GPC5: variants seen among roughly 807,000 people sequenced by gnomAD.
GPC5 encodes the protein glypican 5, also known as glypican-5.
A neutral mutation model predicts 53.9 loss-of-function variants in GPC5; 47 were observed. That is an observed-to-expected ratio of 0.87 (90% CI 0.69 to 1.11). The LOEUF is 1.11. Ranked by LOEUF, GPC5 falls within the 50% of genes most tolerant of loss-of-function variation. The pLI is 0.00. For synonymous variants in GPC5, 286 were observed against 263.3 expected, an observed-to-expected ratio of 1.09 and a Z score of -0.84; for missense variants, 748 against 713.1, an observed-to-expected ratio of 1.05 and a Z score of -0.56.
At chr13:92,481,575 T>A (rs1470125902) in intron 7 of GPC5, among the ~76,000 whole-genome samples, 1 of 152,152 alleles carries the variant, frequency 6.6e-6, no homozygotes, top group East Asian at 1.9e-4. Flanking sequence ...TTTGCTTACA[T>A]CTCCCGTTCC....
chr13:91,655,043 TA>T (rs1359977345), intron 2 of GPC5, among the ~76,000 whole-genome samples: 1 of 152,168 alleles, frequency 6.6e-6, no homozygotes, highest in Admixed American at 6.6e-5. Flanking sequence ...AATAAATATT[TA>T]TTGAGAGACC....
At chr13:91,503,513 C>G (rs672485) in intron 2 of GPC5, among the ~76,000 whole-genome samples, 150,091 of 151,946 alleles carry the variant, frequency 0.99, 74,163 homozygotes, top group East Asian at 1. Flanking sequence ...CGGGTGCAGT[C>G]GCTCATGCCT....
intron 2 of GPC5, among the ~76,000 whole-genome samples, chr13:91,591,826 A>G (rs2139168846): frequency 6.6e-6 from 1 of 152,312 alleles, no homozygotes; most frequent in South Asian, 2.1e-4. Context: ...TTCGTCTTAC[A>G]GCTCTTGGAT....
intron 3 of GPC5, among the ~76,000 whole-genome samples, chr13:91,695,841 C>A (rs774772868): frequency 3.3e-5 from 5 of 152,044 alleles, no homozygotes; most frequent in Non-Finnish European, 7.4e-5. Flanking sequence ...ACCTTTTTTC[C>A]TATGTATTTT....
At chr13:92,337,356 A>G (rs2043332066) in intron 7 of GPC5, among the ~76,000 whole-genome samples, 1 of 152,170 alleles carries the variant, frequency 6.6e-6, no homozygotes, top group South Asian at 2.1e-4. Flanking sequence ...TAGTGTGAAG[A>G]TGTTAGTTCT....
intron 7 of GPC5, among the ~76,000 whole-genome samples, chr13:92,612,530 A>C (rs924613818): frequency 6.6e-6 from 1 of 152,122 alleles, no homozygotes; most frequent in African/African-American, 2.4e-5. Context: ...ATAACATCAC[A>C]AAACTTGTTT....
intron 7 of GPC5, among the ~76,000 whole-genome samples, chr13:92,261,514 A>T (rs1196021026): frequency 6.6e-6 from 1 of 152,160 alleles, no homozygotes; most frequent in East Asian, 1.9e-4. Context: ...ATAGGAAAAA[A>T]AAATCTCTGT....
At chr13:92,248,698 C>A (rs9516022) in intron 7 of GPC5, among the ~76,000 whole-genome samples, 85,642 of 151,958 alleles carry the variant, frequency 0.56, 24,400 homozygotes, top group South Asian at 0.65. Context: ...ATTATTATTT[C>A]TCAGTTCTAG....
chr13:91,949,086 A>T (rs992104124), intron 6 of GPC5, among the ~76,000 whole-genome samples: 17 of 152,160 alleles, frequency 1.1e-4, no homozygotes, highest in African/African-American at 4.1e-4. Context: ...CATGGCACAT[A>T]TGGAAGCAAC....
At chr13:92,030,779 C>A (rs1438959647) in intron 6 of GPC5, among the ~76,000 whole-genome samples, 1 of 152,174 alleles carries the variant, frequency 6.6e-6, no homozygotes, top group Non-Finnish European at 1.5e-5. Flanking sequence ...CCATTTGCAG[C>A]GGGGAAGAGC....
chr13:92,628,707 A>T (rs1008979988), intron 7 of GPC5, among the ~76,000 whole-genome samples: 16 of 152,140 alleles, frequency 1.1e-4, no homozygotes, highest in Non-Finnish European at 1.5e-5. Context: ...TGAAACACCC[A>T]TCTGCCTTCT....
chr13:91,968,688 C>T (rs2040212896), intron 6 of GPC5, among the ~76,000 whole-genome samples: 1 of 152,116 alleles, frequency 6.6e-6, no homozygotes, highest in Non-Finnish European at 1.5e-5. Context: ...TCTCGAACTC[C>T]TGACCTCAGG....
intron 2 of GPC5, among the ~76,000 whole-genome samples, chr13:91,633,753 T>C (rs920411730): frequency 1.3e-5 from 2 of 152,162 alleles, no homozygotes; most frequent in Non-Finnish European, 2.9e-5. Flanking sequence ...AGAATCTTCC[T>C]TTCCTTGGGC....
At chr13:92,760,853 T>C (rs2138736739) in intron 7 of GPC5, among the ~76,000 whole-genome samples, 1 of 152,274 alleles carries the variant, frequency 6.6e-6, no homozygotes, top group South Asian at 2.1e-4. Context: ...TGCATTTCTA[T>C]TATTGTTTGT....
intron 1 of GPC5, among the ~76,000 whole-genome samples, chr13:91,443,500 G>A (rs1880585752): frequency 6.6e-6 from 1 of 152,172 alleles, no homozygotes; most frequent in Non-Finnish European, 1.5e-5. Flanking sequence ...GGTAGCCCAA[G>A]CAGACTAACA....
In GPC5 at chr13:91,448,870, G is replaced by T. The variant is rs774001219; in HGVS notation, c.273G>T (p.Thr91=). Residue 91 remains threonine (T), a synonymous_variant, in exon 2 of 8, where the codon ACG becomes ACT. Coordinates refer to ENST00000377067, the MANE Select transcript of GPC5 (RefSeq NM_004466.6). ...ARQDMQQFLQ[T]SSSTLKFLIS... ...AGGATATGCAGCAGTTTCTTCAAAC[G>T]TCCAGCTCTACATTAAAGTTTCTAA... 2 of 1,613,574 alleles carry T rather than the reference G, an allele frequency of 1.2e-6. No individual in the cohort carries two copies. Among genetic ancestry groups the T allele is most frequent in the Admixed American group, 1.7e-5 (1 of 59,938 alleles).
intron 7 of GPC5, among the ~76,000 whole-genome samples, chr13:92,299,332 C>A (rs912886275): frequency 8.5e-5 from 13 of 152,266 alleles, no homozygotes; most frequent in Admixed American, 7.8e-4. Context: ...CTCTTGACGG[C>A]AGCTGCTTTA....
At chr13:91,885,917 G>A (rs1362119073) in intron 5 of GPC5, among the ~76,000 whole-genome samples, 1 of 152,122 alleles carries the variant, frequency 6.6e-6, no homozygotes, top group Non-Finnish European at 1.5e-5. Flanking sequence ...TTTCACCCCT[G>A]AGACTTCAGC....
intron 7 of GPC5, among the ~76,000 whole-genome samples, chr13:92,667,940 A>T (rs1022312767): frequency 3.2e-4 from 48 of 152,274 alleles, no homozygotes; most frequent in Non-Finnish European, 3.7e-4. Flanking sequence ...ATCCGTCAGG[A>T]GTAATGTCTG....
Sources: allele counts gnomAD v4.1 joint callset (sites outside exome capture counted in the v4.1 genomes callset), GRCh38; gene constraint gnomAD v4.1.1; transcripts MANE v1.5; gene names NCBI Gene and HGNC (gene_info 2026-07-23, HGNC 2026-07-21).